Variants in FARP2 observed in about 807,000 individuals in gnomAD.
FARP2 encodes FERM, ARH/RhoGEF and pleckstrin domain protein 2.
FARP2 carries 111 observed loss-of-function variants against 130.5 expected under a neutral mutation model. That is an observed-to-expected ratio of 0.85 (90% confidence interval 0.73 to 1.00). The LOEUF (loss-of-function observed/expected upper bound fraction) is 1.00. Among genes scored for constraint, FARP2 ranks in the 50% least tolerant of loss-of-function variants. FARP2 has a pLI of 0.00. For missense variants in FARP2, 1,385 were observed against 1,346.3 expected, an observed-to-expected ratio of 1.03 and a Z score of -0.45; for synonymous variants, 504 against 516.9, an observed-to-expected ratio of 0.98 and a Z score of 0.34.
intron 2 of FARP2, among the ~76,000 whole-genome samples, chr2:241,398,288 T>C (rs2062080212): frequency 6.6e-6 from 1 of 152,234 alleles, no homozygotes; most frequent in Non-Finnish European, 1.5e-5. Context: ...GTCTCAGTTA[T>C]GACCCCCAAA....
intron 1 of FARP2, 188 bp from the exon 2 acceptor site, chr2:241,372,896 T>G (rs894787609): frequency 5.8e-6 from 2 of 343,926 alleles, no homozygotes; most frequent in African/African-American, 4.2e-5. Context: ...TATTTTATGC[T>G]CCACCTATGA....
intron 13 of FARP2, chr2:241,442,265 A>C (rs569959455): frequency 3.5e-5 from 16 of 456,568 alleles, no homozygotes; most frequent in Non-Finnish European, 6.2e-5. Context: ...TTCCCAGCCT[A>C]CTCAGTCCGC....
intron 1 of FARP2, among the ~76,000 whole-genome samples, chr2:241,358,823 A>C (rs997447097): frequency 6.6e-6 from 1 of 152,226 alleles, no homozygotes; most frequent in Non-Finnish European, 1.5e-5. Context: ...GGATCCTACA[A>C]AGCAATATGA....
At chr2:241,442,827 A>G (rs1003539814) in intron 13 of FARP2, 52 of 281,254 alleles carry the variant, frequency 1.8e-4, no homozygotes, top group Non-Finnish European at 6.9e-5. Flanking sequence ...CTTTGATTCA[A>G]GTAAGAACTG....
intron 1 of FARP2, among the ~76,000 whole-genome samples, chr2:241,371,065 CT>C (rs1255436159): frequency 1.3e-5 from 2 of 152,078 alleles, no homozygotes; most frequent in Non-Finnish European, 2.9e-5. Context: ...TCATTTTTTG[CT>C]TTCTTGTTTG....
intron 2 of FARP2, among the ~76,000 whole-genome samples, chr2:241,375,434 C>T (rs1474399522): frequency 6.6e-6 from 1 of 151,730 alleles, no homozygotes; most frequent in Admixed American, 6.6e-5. Context: ...GCCTACTGGA[C>T]TTTATCAACT....
At chr2:241,462,918 G>A (rs1366594465) in intron 15 of FARP2, among the ~76,000 whole-genome samples, 1 of 152,072 alleles carries the variant, frequency 6.6e-6, no homozygotes, top group African/African-American at 2.4e-5. Flanking sequence ...CCAAACTCCT[G>A]ACCTCAAGTG....
intron 8 of FARP2, among the ~76,000 whole-genome samples, chr2:241,425,565 A>AG: frequency 6.7e-6 from 1 of 149,408 alleles, no homozygotes; most frequent in East Asian, 2.0e-4. Context: ...TTTCCGAGCC[A>AG]GGGGGAAATT....
Position 241,442,656 on chromosome 2 carries a change from T to A in FARP2, c.1411+1100T>A, listed in dbSNP as rs545357234. ...CATGGATAGATATTCAATTTTTTTT[T>A]AATTTCCTGATTTATTATACTTTTT... On this transcript the variant is annotated intron_variant, in intron 13 of 26. Coordinates refer to ENST00000264042, the MANE Select transcript of FARP2 (RefSeq NM_014808.4). 286 of 342,032 alleles carry A rather than the reference T, an allele frequency of 8.4e-4. 3 individuals carry two copies. The highest frequency in any genetic ancestry group is 3.5e-3 in the South Asian group (152 of 43,474). The allele number at this position is 342,032 out of a possible 1,614,324, so 21.2% of individuals were successfully genotyped here.
chr2:241,458,984 C>A lies in FARP2; in HGVS notation c.1587+2062C>A, dbSNP rs1035878885. The stretch of plus-strand genomic sequence containing the variant: ...GAGAAAGATTCGGCAGCCCTTGGGC[C>A]CAGCCCCTGCGTGTGGGCACCCTCA... On this transcript the variant is annotated intron_variant, in intron 14 of 26. Transcript: ENST00000264042. Among the ~76,000 whole-genome samples the A allele has an allele frequency of 1.3e-5, 2 of 152,216 alleles. 1 individual carries two copies. Among genetic ancestry groups the A allele is most frequent in the South Asian group, 4.1e-4 (2 of 4,834 alleles).
intron 18 of FARP2, among the ~76,000 whole-genome samples, chr2:241,474,951 A>T (rs1169578359): frequency 6.6e-6 from 1 of 151,978 alleles, no homozygotes; most frequent in East Asian, 1.9e-4. Flanking sequence ...CTACGCCACC[A>T]CTCTCAGCAT....
At chr2:241,457,470 C>T (rs12618901) in intron 14 of FARP2, among the ~76,000 whole-genome samples, 4,135 of 86,728 alleles carry the variant, frequency 0.048, 57 homozygotes, top group East Asian at 0.12. Context: ...CACTAGGGAC[C>T]GCTTTGGGTT....
intron 2 of FARP2, among the ~76,000 whole-genome samples, chr2:241,401,246 G>A (rs2062159378): frequency 6.6e-6 from 1 of 152,184 alleles, no homozygotes; most frequent in African/African-American, 2.4e-5. Flanking sequence ...GGAACAATGA[G>A]ATTTGCCTCC....
chr2:241,406,104 C>T (rs1224057416), intron 4 of FARP2, among the ~76,000 whole-genome samples: 2 of 152,068 alleles, frequency 1.3e-5, no homozygotes, highest in South Asian at 4.2e-4. Context: ...GAGATCGAGA[C>T]CATCCTGGCT....
At chr2:241,473,343 G>A (rs1242654256) in intron 18 of FARP2, among the ~76,000 whole-genome samples, 4 of 151,886 alleles carry the variant, frequency 2.6e-5, no homozygotes, top group Non-Finnish European at 5.9e-5. Flanking sequence ...GTTCCAAGAG[G>A]ACCCTGTTCT....
chr2:241,488,456 TC>T (rs1219414140), intron 21 of FARP2: 1 of 149,976 alleles, frequency 6.7e-6, no homozygotes, highest in Non-Finnish European at 1.5e-5. Context: ...TTGCTCTGTG[TC>T]CCAGGCTGGA....
At chr2:241,363,012 A>G (rs2061224280) in intron 1 of FARP2, among the ~76,000 whole-genome samples, 1 of 152,246 alleles carries the variant, frequency 6.6e-6, no homozygotes, top group African/African-American at 2.4e-5. Context: ...GGACATGTGC[A>G]TGGAGCAGCT....
intron 1 of FARP2, chr2:241,372,769 G>C (rs1159469341): frequency 6.3e-6 from 1 of 159,946 alleles, no homozygotes; most frequent in African/African-American, 2.4e-5. Flanking sequence ...TGCCTCTGCT[G>C]GGTGGGTGGG....
intron 2 of FARP2, among the ~76,000 whole-genome samples, chr2:241,402,274 G>T (rs1452904771): frequency 6.6e-6 from 1 of 152,204 alleles, no homozygotes; most frequent in Non-Finnish European, 1.5e-5. Context: ...CCAGCACTCT[G>T]TGAAAGTGGC....
Sources: gnomAD v4.1 joint callset for allele counts (sites outside exome capture counted in the v4.1 genomes callset) on GRCh38, gnomAD v4.1.1 for gene constraint, MANE v1.5 for transcripts, NCBI Gene and HGNC (gene_info 2026-07-23, HGNC 2026-07-21) for gene names.